TTLL8: variants seen among roughly 807,000 people sequenced by gnomAD.
TTLL8 encodes the protein protein monoglycylase TTLL8.
A neutral mutation model predicts 77.8 loss-of-function variants in TTLL8; 65 were observed. The ratio of observed to expected loss-of-function variants is 0.84; its 90% CI spans 0.68 to 1.03. The LOEUF (loss-of-function observed/expected upper bound fraction) is 1.03, where lower values mean the gene tolerates loss of function less well. Ranked by LOEUF, TTLL8 falls within the 50% of genes least tolerant of loss-of-function variation. The pLI, the probability that TTLL8 is intolerant of heterozygous loss-of-function variation, is 0.00. For missense variants in TTLL8, 910 were observed against 1,004.5 expected (o/e 0.91, Z 1.27); for synonymous variants, 402 against 422.8 (o/e 0.95, Z 0.60).
chr22:50,037,715 C>T lies in TTLL8; in HGVS notation c.922-3253G>A, dbSNP rs1268295004. Among the ~76,000 whole-genome samples the T allele has an allele frequency of 5.9e-5, 9 of 152,270 alleles. No individual in the cohort carries two copies. The South Asian group carries it at 1.7e-3, about 28-fold the overall frequency. On this transcript the variant is annotated intron_variant, in intron 8 of 13. Coordinates refer to ENST00000266182, the Ensembl canonical transcript of TTLL8. ...ACAGATAGGAGGGTCTATCTTTAGA[C>T]TCTATTCTCTTACACTGATCCTATC...
At chr22:50,035,785 G>A (rs1429728256) in intron 8 of TTLL8, among the ~76,000 whole-genome samples, 2 of 152,206 alleles carry the variant, frequency 1.3e-5, no homozygotes, top group Non-Finnish European at 2.9e-5. Context: ...CCAGTGACAC[G>A]GGGCTACAGC....
Position 50,045,554 on chromosome 22 carries a change from C to T in TTLL8, c.509-165G>A, listed in dbSNP as rs561555407. Among the ~76,000 whole-genome samples, 528 of 152,310 alleles carry T rather than the reference C, an allele frequency of 3.5e-3. 4 individuals carry two copies. Among genetic ancestry groups the T allele is most frequent in the African/African-American group, 0.012 (492 of 41,554 alleles). On this transcript the variant is annotated intron_variant, in intron 5 of 13. Coordinates refer to ENST00000266182, the Ensembl canonical transcript of TTLL8. ...CCCAGTCTGCCTGCCCTTCTCCCTG[C>T]AGTGTCTCTGTGACTGCGGCCGTCC...
chr22:50,021,229 C>T (rs1430491900), intron 12 of TTLL8, among the ~76,000 whole-genome samples: 2 of 150,144 alleles, frequency 1.3e-5, no homozygotes, highest in African/African-American at 4.9e-5. Context: ...ACGTGCACTC[C>T]TCCATCTGAC....
intron 12 of TTLL8, among the ~76,000 whole-genome samples, chr22:50,022,530 A>G (rs1370028723): frequency 6.6e-6 from 1 of 151,442 alleles, no homozygotes; most frequent in Non-Finnish European, 1.5e-5. Context: ...CCTCCATCTG[A>G]CATGCATTCC....
upstream of TTLL8, chr22:50,057,016 T>C (rs1188017974): frequency 8.0e-7 from 1 of 1,250,472 alleles, no homozygotes; most frequent in East Asian, 5.6e-5. Flanking sequence ...TGGGAGGGTG[T>C]GGGGGGCTCT....
At chr22:50,045,742 C>T in intron 5 of TTLL8, 114 bp downstream of exon 7, 1 of 1,226,472 alleles carries the variant, frequency 8.2e-7, no homozygotes. Context: ...GGAGGCCTCT[C>T]CCCGGTCCTC....
intron 12 of TTLL8, among the ~76,000 whole-genome samples, chr22:50,029,866 C>T (rs934069868): frequency 2.6e-5 from 4 of 152,190 alleles, no homozygotes; most frequent in African/African-American, 4.8e-5. Flanking sequence ...GCTGGTCAGC[C>T]GCGCCCCTGC....
chr22:50,057,339 G>GA (rs1354580170), upstream of TTLL8, among the ~76,000 whole-genome samples: 3 of 84,330 alleles, frequency 3.6e-5, no homozygotes, highest in African/African-American at 1.4e-4. Context: ...TGGGTTGTGA[G>GA]TCAGGTCTGG....
Position 50,034,401 on chromosome 22 carries a change from C to T in TTLL8, c.983G>A (p.Arg328Gln), listed in dbSNP as rs374245397. 5.1e-5 allele frequency: 70 copies of T among 1,367,298 alleles called. No homozygotes were observed. The highest frequency in any genetic ancestry group is 1.0e-4 in the African/African-American group (7 of 67,874). The allele number at this position is 1,367,298 out of a possible 1,614,324, so 84.7% of individuals were successfully genotyped here. ...CGCGGGCTTTATAATCCAGATGTTCCGGAGCCCGTCAATGTCCGTCTGAGG... is the reference window on the plus strand; with the variant it reads ...CGCGGGCTTTATAATCCAGATGTTCTGGAGCCCGTCAATGTCCGTCTGAGG... The change falls in exon 9 of 14, where the codon CGG becomes CAG. Residue 328 changes from arginine (R) to glutamine (Q), a missense_variant. Physicochemically the swap from Arg to Gln is conservative, Grantham distance 43 (BLOSUM62 1). This residue lies in a region of TTLL8 where 776 missense variants were observed against 926.1 expected (regional missense o/e 0.84). Transcript: ENST00000266182. The surrounding 1 kb of genome is among the most constrained non-coding windows in gnomAD (Gnocchi z 4.1).
intron 12 of TTLL8, among the ~76,000 whole-genome samples, chr22:50,020,235 T>C (rs114396700): frequency 0.031 from 4,521 of 146,140 alleles, 85 homozygotes; most frequent in South Asian, 0.053. Context: ...ATCTGACATG[T>C]ACTCCTCCAT....
At chr22:50,022,015 T>A (rs1392819071) in intron 12 of TTLL8, among the ~76,000 whole-genome samples, 2 of 140,220 alleles carry the variant, frequency 1.4e-5, no homozygotes, top group Non-Finnish European at 3.1e-5. Context: ...CATCTGATGA[T>A]GTGCGCTCCT....
chr22:50,028,213 G>C (rs1450788244), intron 12 of TTLL8, among the ~76,000 whole-genome samples: 2 of 152,216 alleles, frequency 1.3e-5, no homozygotes, highest in Non-Finnish European at 2.9e-5. Flanking sequence ...CAAAGGCAGA[G>C]GAGATCTTTC....
At chr22:50,022,836 A>G (rs760487713) in intron 12 of TTLL8, among the ~76,000 whole-genome samples, 1 of 152,252 alleles carries the variant, frequency 6.6e-6, no homozygotes, top group African/African-American at 2.4e-5. Flanking sequence ...CGAAAACCCA[A>G]AGGCATCTAC....
At chr22:50,025,393 G>A (rs1158875752) in intron 12 of TTLL8, among the ~76,000 whole-genome samples, 2 of 152,022 alleles carry the variant, frequency 1.3e-5, no homozygotes, top group African/African-American at 2.4e-5. Flanking sequence ...GAGGCCGGGC[G>A]CGGGGGCTCA....
chr22:50,056,078 C>T (rs892827805), upstream of TTLL8, among the ~76,000 whole-genome samples: 6 of 152,130 alleles, frequency 3.9e-5, no homozygotes, highest in African/African-American at 7.2e-5. The surrounding 1 kb of genome is among the most constrained non-coding windows in gnomAD (Gnocchi z 4.1). Context: ...CCACCAGCGC[C>T]GTCTCAAAGA....
Position 50,044,314 on chromosome 22 carries a change from T to A in TTLL8, c.643+941A>T, listed in dbSNP as rs1005951396. ...ACCTGGGTGACAGAGCAAGACTCCA[T>A]CTCAAAAAAAAAAAAACATTAATTA... On this transcript the variant is annotated intron_variant, in intron 6 of 13. Coordinates refer to ENST00000266182, the Ensembl canonical transcript of TTLL8. This position sits in a 1 kb window ranked among gnomAD's most constrained non-coding sequence, Gnocchi z 4.2. Among the ~76,000 whole-genome samples, 1 of 149,870 alleles carries A rather than the reference T, an allele frequency of 6.7e-6. No individual in the cohort carries two copies. The highest frequency in any genetic ancestry group is 6.6e-5 in the Admixed American group (1 of 15,092).
chr22:50,032,485 C>T (rs2061303986), intron 10 of TTLL8, among the ~76,000 whole-genome samples: 3 of 152,350 alleles, frequency 2.0e-5, no homozygotes, highest in Admixed American at 2.0e-4. Context: ...CCCTGGCCAG[C>T]TCCTCCCAGG....
At chr22:50,029,193 C>CA (rs1243714446) in intron 12 of TTLL8, among the ~76,000 whole-genome samples, 1 of 26,148 alleles carries the variant, frequency 3.8e-5, no homozygotes, top group Admixed American at 3.6e-4. Context: ...CCTGAAGACC[C>CA]CACACACCCT....
intron 3 of TTLL8, among the ~76,000 whole-genome samples, chr22:50,048,314 C>T (rs1257167636): frequency 6.6e-6 from 1 of 152,156 alleles, no homozygotes; most frequent in Non-Finnish European, 1.5e-5. Flanking sequence ...GCATGTGCTA[C>T]AATCCTCATC....
Sources: gnomAD v4.1 joint callset for allele counts (sites outside exome capture counted in the v4.1 genomes callset) on GRCh38, gnomAD v4.1.1 for gene constraint, gnomAD v4.1.1 regional missense constraint, Gnocchi (gnomAD v3.1) non-coding constraint, MANE v1.5 for transcripts, NCBI Gene and HGNC (gene_info 2026-07-23, HGNC 2026-07-21) for gene names.